Variants in GBF1 observed in about 807,000 individuals in gnomAD.
The protein encoded by GBF1 is golgi brefeldin A resistant guanine nucleotide exchange factor 1.
A neutral mutation model predicts 210.5 loss-of-function variants in GBF1; 114 were observed. That is an observed-to-expected ratio of 0.54 (90% confidence interval 0.47 to 0.63). GBF1 has a LOEUF of 0.63. Among genes scored for constraint, GBF1 ranks in the 30% least tolerant of loss-of-function variants. The pLI, the probability that GBF1 is intolerant of heterozygous loss-of-function variation, is 0.00. For synonymous variants in GBF1, 850 were observed against 889.2 expected, an observed-to-expected ratio of 0.96 and a Z score of 0.78; for missense variants, 1,851 against 2,357.7, an observed-to-expected ratio of 0.79 and a Z score of 4.45.
chr10:102,293,769 G>GTT (rs2076658017), intron 3 of GBF1, among the ~76,000 whole-genome samples: 1 of 27,768 alleles, frequency 3.6e-5, no homozygotes, highest in African/African-American at 1.6e-4. Flanking sequence ...AGTATGTTTT[G>GTT]TGTTTTTTTT....
intron 3 of GBF1, among the ~76,000 whole-genome samples, chr10:102,315,662 A>G (rs1475269309): frequency 6.6e-6 from 1 of 152,158 alleles, no homozygotes; most frequent in Non-Finnish European, 1.5e-5. Flanking sequence ...ATGAAAATCT[A>G]ATGTCGTCGC....
chr10:102,255,292 C>T (rs1425948071), intron 1 of GBF1, among the ~76,000 whole-genome samples: 1 of 152,164 alleles, frequency 6.6e-6, no homozygotes, highest in East Asian at 1.9e-4. Context: ...CTGCCCACCT[C>T]AGCCTCCCAG....
chr10:102,291,143 T>C (rs1433594702), intron 3 of GBF1, among the ~76,000 whole-genome samples: 1 of 137,580 alleles, frequency 7.3e-6, no homozygotes. Flanking sequence ...TCTTTTTTTT[T>C]CTTTCTATTA....
At position 102,344,189 on chromosome 10, in the gene GBF1, G is replaced by A; in HGVS notation, c.295+7G>A. On this transcript the variant is annotated splice_region_variant and intron_variant, in intron 4 of 39. Transcript: ENST00000369983. ...CTGTCCTATGCACTCATAGGTAAGA[G>A]CTCAGGCTTTGTTGCATGACCACAG... 6.2e-7 allele frequency: 1 copy of A among 1,613,864 alleles called. No individual in the cohort carries two copies. Among genetic ancestry groups the A allele is most frequent in the Non-Finnish European group, 8.5e-7 (1 of 1,179,802 alleles).
rs952998756 is a variant in GBF1 at position 102,376,737 on chromosome 10, C to T, written c.4225C>T (p.Pro1409Ser). The change falls in exon 32 of 40, where the codon CCT becomes TCT. Residue 1409 changes from proline (P) to serine (S), a missense_variant. By Grantham distance (74) the Pro-to-Ser change is moderately conservative. Around this residue, in one of 3 missense-constraint regions of GBF1, gnomAD observed 967 missense variants for 1,247.7 expected, o/e 0.78. Transcript: ENST00000369983. The stretch of plus-strand genomic sequence containing the variant: ...TGTGCGTGATGCTGCCCACATCACA[C>T]CTGACAACTTTGAGCTCTGCGTCAA... Reference protein sequence around the residue: ...FIVRDAAHITPDNFELCVKTL... With the variant: ...FIVRDAAHITSDNFELCVKTL... The T allele has an allele frequency of 6.2e-7, 1 of 1,611,326 alleles. No homozygotes were observed. Among genetic ancestry groups the T allele is most frequent in the Non-Finnish European group, 8.5e-7 (1 of 1,179,820 alleles).
Position 102,368,381 on chromosome 10 carries a change from A to C in GBF1, c.2806A>C (p.Ile936Leu). ...DLFTMTWGPT[I>L]AALSYVFDKS... ...CTTCACCATGACCTGGGGCCCCACT[A>C]TTGCTGCTCTCTCTTATGTCTTTGA... Residue 936 changes from isoleucine to leucine, a missense_variant, in exon 22 of 40, where the codon ATT becomes CTT. Physicochemically the swap from Ile to Leu is conservative, Grantham distance 5. Around this residue, in one of 3 missense-constraint regions of GBF1, gnomAD observed 967 missense variants for 1,247.7 expected, o/e 0.78. Coordinates refer to ENST00000369983, the MANE Select transcript of GBF1 (RefSeq NM_001377137.1). 1 of 1,613,912 alleles carries C rather than the reference A, an allele frequency of 6.2e-7. No homozygotes were observed. The highest frequency in any genetic ancestry group is 8.5e-7 in the Non-Finnish European group (1 of 1,179,842).
chr10:102,375,528 G>A lies in GBF1; in HGVS notation c.3830G>A (p.Gly1277Asp). ...LFTLLECIGS[G>D]VKPPAALQAT... ...ACACTGCTGGAGTGCATCGGCTCAG[G>A]TGTGAAGCCTCCAGCTGCTCTGCAG... Residue 1277 changes from glycine (G) to aspartate (D), a missense_variant, in exon 30 of 40, where the codon GGT (glycine) becomes GAT (aspartate). Physicochemically the swap from Gly to Asp is moderately conservative, Grantham distance 94. This residue lies in a region of GBF1 where 967 missense variants were observed against 1,247.7 expected (regional missense o/e 0.78). Transcript: ENST00000369983. The A allele has an allele frequency of 6.2e-7, 1 of 1,614,110 alleles. No individual in the cohort carries two copies. The highest frequency in any genetic ancestry group is 8.5e-7 in the Non-Finnish European group (1 of 1,179,970).
chr10:102,292,230 T>C (rs1464329644), intron 3 of GBF1, among the ~76,000 whole-genome samples: 1 of 151,984 alleles, frequency 6.6e-6, no homozygotes, highest in Admixed American at 6.5e-5. Context: ...GTATTCTCTT[T>C]GGCCTTTCCA....
At chr10:102,240,857 C>T (rs984285231), upstream of GBF1, among the ~76,000 whole-genome samples, 1 of 152,246 alleles carries the variant, frequency 6.6e-6, no homozygotes, top group Admixed American at 6.5e-5. Context: ...GAAGCGTGTG[C>T]GACCAGGCGC....
At chr10:102,240,150 T>TG in the GBF1 span, among the ~76,000 whole-genome samples, 3 of 152,192 alleles carry the variant, frequency 2.0e-5, no homozygotes, top group East Asian at 3.9e-4. Context: ...GCAAGGAGTC[T>TG]GGGGGGTGTC....
intron 3 of GBF1, among the ~76,000 whole-genome samples, chr10:102,300,801 A>G (rs1488720504): frequency 2.0e-5 from 3 of 152,144 alleles, no homozygotes; most frequent in Non-Finnish European, 4.4e-5. Context: ...ATATGTGACT[A>G]AGTTATTGAT....
chr10:102,370,771 C>A lies in GBF1; in HGVS notation c.3571C>A (p.Gln1191Lys). The change falls in exon 29 of 40, where the codon CAA becomes AAA. Residue 1191 changes from glutamine to lysine, a missense_variant. Gln to Lys is a moderately conservative substitution (Grantham distance 53). Transcript: ENST00000369983. ...TCTATACCACCTCTGTGTTCAGGCACAAGATTTCTGCTTCCTTGTGGAGCG... is the reference window on the plus strand; with the variant it reads ...TCTATACCACCTCTGTGTTCAGGCAAAAGATTTCTGCTTCCTTGTGGAGCG... ...DHLYHLCVQA[Q>K]DFCFLVERAV... is the part of the protein sequence containing the mutation. 6.2e-7 allele frequency: 1 copy of A among 1,614,082 alleles called. No homozygotes were observed.
intron 2 of GBF1, among the ~76,000 whole-genome samples, chr10:102,259,795 A>G (rs1415887373): frequency 6.6e-6 from 1 of 152,220 alleles, no homozygotes; most frequent in Non-Finnish European, 1.5e-5. Context: ...GGCAATCTGT[A>G]GTAGCTTGAG....
chr10:102,369,792 G>A lies in GBF1; in HGVS notation c.3215+17G>A, dbSNP rs2060106737. Reference sequence around the variant, plus strand: ...ATCAAACCGGTAAGAGCAGACCAGAGGCTCAGGGGCTTGGGGAGGGAGAGT... The same window carrying A: ...ATCAAACCGGTAAGAGCAGACCAGAAGCTCAGGGGCTTGGGGAGGGAGAGT... On this transcript the variant is annotated intron_variant, in intron 25 of 39. Transcript: ENST00000369983. The A allele has an allele frequency of 6.2e-7, 1 of 1,614,138 alleles. No homozygotes were observed. The highest frequency in any genetic ancestry group is 8.5e-7 in the Non-Finnish European group (1 of 1,179,990).
At chr10:102,255,783 C>T (rs2072264533) in intron 1 of GBF1, among the ~76,000 whole-genome samples, 1 of 152,172 alleles carries the variant, frequency 6.6e-6, no homozygotes, top group East Asian at 1.9e-4. Flanking sequence ...CGTGGTTGTA[C>T]ATTCATATCA....
chr10:102,334,838 G>A, intron 3 of GBF1, among the ~76,000 whole-genome samples: 1 of 149,180 alleles, frequency 6.7e-6, no homozygotes. Context: ...GACAGAGCGA[G>A]ACTTCGTCTC....
intron 1 of GBF1, among the ~76,000 whole-genome samples, chr10:102,251,856 A>T (rs1345199467): frequency 6.6e-6 from 1 of 151,696 alleles, no homozygotes; most frequent in Non-Finnish European, 1.5e-5. Context: ...GTCCCCAGCC[A>T]AGATATGTTT....
At chr10:102,312,600 G>A (rs1435390282) in intron 3 of GBF1, among the ~76,000 whole-genome samples, 1 of 152,184 alleles carries the variant, frequency 6.6e-6, no homozygotes, top group Admixed American at 6.5e-5. Context: ...ACCTGCTGTC[G>A]TCTATGCAGG....
At chr10:102,283,702 C>CTTCTT (rs2075708924) in intron 3 of GBF1, among the ~76,000 whole-genome samples, 1 of 152,172 alleles carries the variant, frequency 6.6e-6, no homozygotes, top group Admixed American at 6.5e-5. Context: ...ATTCAAAGTG[C>CTTCTT]TTCTACCAGT....
Sources: gnomAD v4.1 joint callset for allele counts (sites outside exome capture counted in the v4.1 genomes callset) on GRCh38, gnomAD v4.1.1 for gene constraint, gnomAD v4.1.1 regional missense constraint, MANE v1.5 for transcripts, NCBI Gene and HGNC (gene_info 2026-07-23, HGNC 2026-07-21) for gene names.